The following SLC24A3 variants were observed in gnomAD, a reference collection of about 807,000 sequenced individuals.
SLC24A3 encodes solute carrier family 24 member 3.
SLC24A3 carries 28 observed loss-of-function variants against 75.8 expected under a neutral mutation model. That is an observed-to-expected ratio of 0.37 (90% CI 0.27 to 0.51). The LOEUF (loss-of-function observed/expected upper bound fraction) is 0.51, where lower values mean the gene tolerates loss of function less well. Among genes scored for constraint, SLC24A3 ranks in the 20% least tolerant of loss-of-function variants. The pLI is 0.94. For synonymous variants in SLC24A3, 372 were observed against 334.1 expected (o/e 1.11, Z -1.24); for missense variants, 663 against 847.8 (o/e 0.78, Z 2.71).
intron 3 of SLC24A3, among the ~76,000 whole-genome samples, chr20:19,560,877 G>A (rs1384529785): frequency 6.6e-6 from 1 of 152,146 alleles, no homozygotes; most frequent in Non-Finnish European, 1.5e-5. Flanking sequence ...ATATATGTAA[G>A]TATAATTAAT....
In SLC24A3 at chr20:19,307,999, A is replaced by G. The variant is rs189961050; in HGVS notation, c.271+26912A>G. The stretch of plus-strand genomic sequence containing the variant: ...GAAACAAAGAATTTTTTAAAGTGAA[A>G]TGTTATCTTTATTAACCATACTTGA... On this transcript the variant is annotated intron_variant, in intron 2 of 16. Transcript: ENST00000328041. 7.2e-5 allele frequency among the ~76,000 whole-genome samples: 11 copies of G among 152,236 alleles called. No individual in the cohort carries two copies. The East Asian group carries it at 2.1e-3, about 29-fold the overall frequency.
intron 12 of SLC24A3, 44 bp from the exon 13 acceptor site, chr20:19,693,212 TTTG>T: frequency 6.4e-7 from 1 of 1,555,756 alleles, no homozygotes; most frequent in Non-Finnish European, 8.6e-7. Context: ...ACTGGGGTTC[TTTG>T]TTATTTTTTT....
At chr20:19,302,653 G>C (rs1984222235) in intron 2 of SLC24A3, among the ~76,000 whole-genome samples, 4 of 152,136 alleles carry the variant, frequency 2.6e-5, no homozygotes, top group Admixed American at 2.6e-4. Flanking sequence ...TCATATATAA[G>C]TATGCATAAG....
intron 2 of SLC24A3, among the ~76,000 whole-genome samples, chr20:19,312,480 A>C (rs1004599692): frequency 6.6e-6 from 1 of 152,190 alleles, no homozygotes; most frequent in African/African-American, 2.4e-5. Context: ...AAAAAGTTAA[A>C]ATCATTCTCC....
chr20:19,714,427 C>T (rs6075564), intron 15 of SLC24A3, among the ~76,000 whole-genome samples: 1 of 29,510 alleles, frequency 3.4e-5, no homozygotes, highest in African/African-American at 1.6e-4. Context: ...AAAAAAAAAA[C>T]AACAAAAAGA....
intron 15 of SLC24A3, among the ~76,000 whole-genome samples, chr20:19,714,415 AAAAAAAAAAAAC>A (rs2122172199): frequency 7.6e-6 from 1 of 130,988 alleles, no homozygotes; most frequent in South Asian, 3.0e-4. Flanking sequence ...TAAAAAAAAA[AAAAAAAAAAAAC>A]AACAAAAAGA....
chr20:19,242,348 T>A (rs1982354647), intron 1 of SLC24A3: 2 of 152,292 alleles, frequency 1.3e-5, no homozygotes, highest in African/African-American at 4.8e-5. Context: ...AATGGGCAGG[T>A]GTGGGATTAG....
intron 1 of SLC24A3, among the ~76,000 whole-genome samples, chr20:19,231,277 C>G (rs546380064): frequency 1.1e-4 from 16 of 152,314 alleles, no homozygotes; most frequent in African/African-American, 3.8e-4. Context: ...CAGAATAGTG[C>G]TCCCGAAGAT....
chr20:19,715,614 T>A (rs746065083), intron 15 of SLC24A3, among the ~76,000 whole-genome samples: 27 of 152,258 alleles, frequency 1.8e-4, no homozygotes, highest in Non-Finnish European at 3.2e-4. Context: ...GGGTTGGCTG[T>A]TTAGGGCGTA....
intron 12 of SLC24A3, 87 bp from the exon 13 acceptor site, chr20:19,693,168 TACAG>T: frequency 7.3e-7 from 1 of 1,368,182 alleles, no homozygotes. Flanking sequence ...GGGAAAGCAG[TACAG>T]ACACTTGGCA....
chr20:19,697,015 AAAGGGAGGGAGAAGAG>A, intron 14 of SLC24A3, 104 bp downstream of exon 14: 1 of 317,250 alleles, frequency 3.2e-6, no homozygotes. Flanking sequence ...GGGAGAAGAG[AAAGGGAGGGAGAAGAG>A]AAGGAAAGAG....
intron 2 of SLC24A3, among the ~76,000 whole-genome samples, chr20:19,476,251 A>T (rs966183107): frequency 3.3e-5 from 5 of 152,246 alleles, no homozygotes; most frequent in African/African-American, 1.2e-4. Context: ...AGTTAAAAAT[A>T]ATATGTCCGA....
intron 3 of SLC24A3, among the ~76,000 whole-genome samples, chr20:19,541,183 G>A (rs770282243): frequency 2.2e-4 from 34 of 152,240 alleles, no homozygotes; most frequent in Non-Finnish European, 4.0e-4. Flanking sequence ...TAAAACCCAT[G>A]TGGAAACCTT....
intron 3 of SLC24A3, among the ~76,000 whole-genome samples, chr20:19,576,100 G>C (rs1403593678): frequency 6.6e-6 from 1 of 152,066 alleles, no homozygotes; most frequent in Non-Finnish European, 1.5e-5. Flanking sequence ...GTAACTCCCT[G>C]CCTCATATAA....
intron 7 of SLC24A3, among the ~76,000 whole-genome samples, chr20:19,655,414 A>T (rs904251207): frequency 6.6e-6 from 1 of 152,146 alleles, no homozygotes; most frequent in Non-Finnish European, 1.5e-5. Context: ...AGGGTGAAAA[A>T]TTGGGAAGAA....
At chr20:19,331,319 A>G (rs890046393) in intron 2 of SLC24A3, among the ~76,000 whole-genome samples, 6 of 152,084 alleles carry the variant, frequency 3.9e-5, no homozygotes, top group South Asian at 4.1e-4. Flanking sequence ...TACCTACTCT[A>G]GAACAGTTCA....
intron 6 of SLC24A3, among the ~76,000 whole-genome samples, chr20:19,640,184 C>T (rs550190632): frequency 1.8e-4 from 28 of 152,370 alleles, no homozygotes; most frequent in African/African-American, 6.5e-4. Flanking sequence ...ACTGCCAGCA[C>T]GCTGTCACCT....
At chr20:19,444,332 T>C (rs1428136550) in intron 2 of SLC24A3, among the ~76,000 whole-genome samples, 1 of 152,182 alleles carries the variant, frequency 6.6e-6, no homozygotes, top group Non-Finnish European at 1.5e-5. Flanking sequence ...ACTGGAGTAA[T>C]GTTGGCCTTA....
chr20:19,522,483 C>T (rs1261398016), intron 3 of SLC24A3, among the ~76,000 whole-genome samples: 1 of 152,236 alleles, frequency 6.6e-6, no homozygotes, highest in Non-Finnish European at 1.5e-5. Context: ...TGCTTTGGAA[C>T]AAGTCCCAGA....
Sources: gnomAD v4.1 joint callset for allele counts (sites outside exome capture counted in the v4.1 genomes callset) on GRCh38, gnomAD v4.1.1 for gene constraint, MANE v1.5 for transcripts, NCBI Gene and HGNC (gene_info 2026-07-23, HGNC 2026-07-21) for gene names.